The following BCL11A variants were observed in gnomAD, a reference collection of about 807,000 sequenced individuals.
BCL11A encodes B cell CLL/lymphoma 11A.
In BCL11A, 2 loss-of-function variants were observed where a neutral mutation model predicts 55.9. The ratio of observed to expected loss-of-function variants is 0.04; its 90% CI spans 0.01 to 0.11. The LOEUF is 0.11. BCL11A is among the 10% of genes least tolerant of loss of function. The pLI is 1.00. For synonymous variants in BCL11A, 465 were observed against 473.4 expected (o/e 0.98, Z 0.23); for missense variants, 817 against 1,137.1 (o/e 0.72, Z 4.05).
chr2:60,484,337 C>T (rs1384189152), intron 2 of BCL11A: 1 of 152,474 alleles, frequency 6.6e-6, no homozygotes, highest in Admixed American at 6.5e-5. Context: ...CCCCCTGCCT[C>T]CTCTCTTCCC....
intron 2 of BCL11A, chr2:60,484,475 C>T (rs1678153877): frequency 6.6e-6 from 1 of 152,152 alleles, no homozygotes; most frequent in South Asian, 2.1e-4. Context: ...GCCACATTCA[C>T]CAGAAAGGGA....
At chr2:60,467,175 TG>T (rs1274386606) in intron 3 of BCL11A, among the ~76,000 whole-genome samples, 5 of 143,958 alleles carry the variant, frequency 3.5e-5, no homozygotes, top group Admixed American at 6.8e-5. Flanking sequence ...GTGATGGTGG[TG>T]GTGGTGGTGG....
chr2:60,505,463 T>C (rs1360209189), intron 2 of BCL11A, among the ~76,000 whole-genome samples: 4 of 152,220 alleles, frequency 2.6e-5, no homozygotes, highest in Non-Finnish European at 5.9e-5. Flanking sequence ...TGCCTTCAGC[T>C]GGACAAACAC....
At chr2:60,549,093 G>C (rs1558524804) in intron 1 of BCL11A, among the ~76,000 whole-genome samples, 1 of 152,080 alleles carries the variant, frequency 6.6e-6, no homozygotes, top group Non-Finnish European at 1.5e-5. Flanking sequence ...GAAGGGAGTG[G>C]GCAAATAATC....
In BCL11A at chr2:60,461,604, G is replaced by T; in HGVS notation, c.1308C>A (p.Val436=). The T allele has an allele frequency of 6.2e-7, 1 of 1,613,502 alleles. No homozygotes were observed. Among genetic ancestry groups the T allele is most frequent in the South Asian group, 1.1e-5 (1 of 91,090 alleles). Residue 436 remains valine, a synonymous_variant, in exon 4 of 4, where the codon GTC becomes GTA. Coordinates refer to ENST00000642384, the MANE Select transcript of BCL11A (RefSeq NM_022893.4). ...THMHKSSPMT[V]KSDDGLSTAS... is the part of the protein sequence containing the mutation. ...CGGTGGAGAGACCGTCGTCGGACTT[G>T]ACCGTCATGGGGGACGATTTGTGCA... is the stretch of plus-strand genomic sequence containing the variant.
intron 3 of BCL11A, among the ~76,000 whole-genome samples, chr2:60,468,035 A>ATGGTGATGG (rs1558620973): frequency 4.7e-3 from 42 of 8,846 alleles, no homozygotes; most frequent in Non-Finnish European, 7.4e-3. Flanking sequence ...AGTGGTGGTG[A>ATGGTGATGG]TGGTGGTGAT....
intron 1 of BCL11A, among the ~76,000 whole-genome samples, chr2:60,547,997 G>A (rs1463379439): frequency 1.3e-5 from 2 of 152,080 alleles, no homozygotes; most frequent in Non-Finnish European, 2.9e-5. Flanking sequence ...CCAACATACT[G>A]GCCAAAAGAT....
Position 60,458,652 on chromosome 2 carries a change from A to T in BCL11A, c.*1752T>A. 1 of 1,030,750 alleles carries T rather than the reference A, an allele frequency of 9.7e-7. No individual in the cohort carries two copies. The highest frequency in any genetic ancestry group is 1.2e-6 in the Non-Finnish European group (1 of 857,158). The allele number at this position is 1,030,750 out of a possible 1,614,324, so 63.9% of individuals were successfully genotyped here. A position where few individuals can be genotyped will look rare whatever the true frequency, so the allele number is the denominator to read the frequency against. On this transcript the variant is annotated 3_prime_UTR_variant, in exon 4 of 4. Coordinates refer to ENST00000642384, the MANE Select transcript of BCL11A (RefSeq NM_022893.4). ...ATGCTCCTCAATGAGATTGTGTTCA[A>T]TTTTTTTTCAGCATTCTTGCAACTT...
chr2:60,519,542 C>CCTGT (rs1668883147), intron 2 of BCL11A, among the ~76,000 whole-genome samples: 1 of 139,552 alleles, frequency 7.2e-6, no homozygotes, highest in Admixed American at 7.0e-5. Flanking sequence ...TCCTCACTTG[C>CCTGT]CTGCCTGCCT....
chr2:60,512,449 C>T (rs2104492547), intron 2 of BCL11A, among the ~76,000 whole-genome samples: 1 of 152,322 alleles, frequency 6.6e-6, no homozygotes, highest in South Asian at 2.1e-4. Context: ...CCCTGTGCCA[C>T]ACACACTCGC....
At chr2:60,509,249 A>T (rs1679836041) in intron 2 of BCL11A, among the ~76,000 whole-genome samples, 1 of 152,200 alleles carries the variant, frequency 6.6e-6, no homozygotes, top group South Asian at 2.1e-4. Context: ...TTACTTTTCC[A>T]TTAGAGGGCT....
chr2:60,520,688 T>C (rs979925551), intron 2 of BCL11A, among the ~76,000 whole-genome samples: 2 of 152,114 alleles, frequency 1.3e-5, no homozygotes, highest in African/African-American at 4.8e-5. Flanking sequence ...AGAGTGAAGA[T>C]ATTTGCATCA....
At position 60,468,770 on chromosome 2, in the gene BCL11A, G is replaced by A. The variant is rs761041741; in HGVS notation, c.449C>T (p.Thr150Met). The A allele has an allele frequency of 6.6e-5, 107 of 1,610,466 alleles. No individual in the cohort carries two copies. Among genetic ancestry groups the A allele is most frequent in the Admixed American group, 4.2e-4 (25 of 58,962 alleles). The change falls in exon 3 of 4, where the codon ACG becomes ATG. Residue 150 changes from threonine to methionine, a missense_variant. Physicochemically the swap from Thr to Met is moderately conservative, Grantham distance 81. This residue lies in a region of BCL11A where 363 missense variants were observed against 486.6 expected (regional missense o/e 0.75). Transcript: ENST00000642384. ...PRSAHGALIP[T>M]PGMSAEYAPQ... ...GGCATATTCTGCACTCATCCCAGGC[G>A]TGGGGATTAGAGCTCCATGTGCAGA...
At chr2:60,465,680 C>G (rs1425374830) in intron 3 of BCL11A, among the ~76,000 whole-genome samples, 1 of 152,180 alleles carries the variant, frequency 6.6e-6, no homozygotes, top group African/African-American at 2.4e-5. Flanking sequence ...TTCTCTGAGT[C>G]TTGGAATTCC....
Position 60,458,401 on chromosome 2 carries a change from C to T in BCL11A, c.*2003G>A. ...TGGAACCCTAAAATGCAGTTCCCCC[C>T]TAAACATAATGAAGTGTTTTTTAAA... On this transcript the variant is annotated 3_prime_UTR_variant, in exon 4 of 4. Transcript: ENST00000642384. 2.0e-6 allele frequency: 2 copies of T among 1,021,934 alleles called. No individual in the cohort carries two copies. The highest frequency in any genetic ancestry group is 2.4e-6 in the Non-Finnish European group (2 of 851,006). 63.3% of individuals were successfully genotyped at this position (1,021,934 alleles called of 1,614,324 possible). A position where few individuals can be genotyped will look rare whatever the true frequency, so the allele number is the denominator to read the frequency against.
chr2:60,461,493 C>G lies in BCL11A; in HGVS notation c.1419G>C (p.Glu473Asp), dbSNP rs1465128827. Residue 473 changes from glutamate to aspartate, a missense_variant, in exon 4 of 4, where the codon GAG becomes GAC. Physicochemically the swap from Glu to Asp is conservative, Grantham distance 45 (BLOSUM62 2). This residue lies in a region of BCL11A where 379 missense variants were observed against 425.3 expected (regional missense o/e 0.89). Coordinates refer to ENST00000642384, the MANE Select transcript of BCL11A (RefSeq NM_022893.4). Reference protein sequence around the residue: ...LKSVVAKFKSENDPNLIPENG... With the variant: ...LKSVVAKFKSDNDPNLIPENG... The stretch of plus-strand genomic sequence containing the variant: ...TCTCCGGGATCAGGTTGGGGTCGTT[C>G]TCGCTCTTGAACTTGGCCACCACGG... 1.2e-6 allele frequency: 2 copies of G among 1,605,472 alleles called. No individual in the cohort carries two copies. Among genetic ancestry groups the G allele is most frequent in the Non-Finnish European group, 1.7e-6 (2 of 1,179,880 alleles).
Position 60,458,138 on chromosome 2 carries a change from G to T in BCL11A, c.*2266C>A. On this transcript the variant is annotated 3_prime_UTR_variant, in exon 4 of 4. Coordinates refer to ENST00000642384, the MANE Select transcript of BCL11A (RefSeq NM_022893.4). Reference sequence around the variant, plus strand: ...ATAAATACTATAGTGCCTAACACTAGATGAACATTTAATTCAAATACCATT... The same window carrying T: ...ATAAATACTATAGTGCCTAACACTATATGAACATTTAATTCAAATACCATT... The T allele has an allele frequency of 9.7e-7, 1 of 1,027,040 alleles. No individual in the cohort carries two copies. Among genetic ancestry groups the T allele is most frequent in the East Asian group, 6.2e-5 (1 of 16,192 alleles). The allele number at this position is 1,027,040 out of a possible 1,614,324, so 63.6% of individuals were successfully genotyped here.
chr2:60,541,001 G>GT (rs368142128), intron 2 of BCL11A, among the ~76,000 whole-genome samples: 1 of 137,204 alleles, frequency 7.3e-6, no homozygotes, highest in East Asian at 2.3e-4. Flanking sequence ...TGGTTATTTT[G>GT]TTTTTTTGTT....
chr2:60,553,090 G>A, intron 1 of BCL11A, 126 bp downstream of exon 1: 7 of 956,364 alleles, frequency 7.3e-6, no homozygotes, highest in Non-Finnish European at 1.1e-5. Context: ...TCGACTCTCG[G>A]AGGTTTTTCT....
Sources: allele counts gnomAD v4.1 joint callset (sites outside exome capture counted in the v4.1 genomes callset), GRCh38; gene constraint gnomAD v4.1.1; regional missense constraint gnomAD v4.1.1; transcripts MANE v1.5; gene names NCBI Gene and HGNC (gene_info 2026-07-23, HGNC 2026-07-21).